The following POLA1 variants were observed in gnomAD, a reference collection of about 807,000 sequenced individuals.
POLA1 encodes the protein DNA polymerase alpha catalytic subunit.
Under a neutral mutation model 124.0 loss-of-function variants are expected in POLA1, and 15 were observed. The observed-to-expected ratio is 0.12, with a 90% CI of 0.08 to 0.19. POLA1 has a LOEUF of 0.19. POLA1 is among the 10% of genes least tolerant of loss of function. The pLI, the probability that POLA1 is intolerant of heterozygous loss-of-function variation, is 1.00. For synonymous variants in POLA1, 408 were observed against 389.4 expected, an observed-to-expected ratio of 1.05 and a Z score of -0.56; for missense variants, 886 against 1,103.4, an observed-to-expected ratio of 0.80 and a Z score of 2.79.
chrX:24,816,115 A>G (rs888241703), intron 30 of POLA1, among the ~76,000 whole-genome samples: 1 of 111,252 alleles, frequency 9.0e-6, no homozygotes, highest in Non-Finnish European at 1.9e-5. Flanking sequence ...ATCTTTTTGC[A>G]TTTGGATGAA....
At chrX:24,861,895 G>A (rs1019595650) in intron 34 of POLA1, among the ~76,000 whole-genome samples, 1 of 111,843 alleles carries the variant, frequency 8.9e-6, no homozygotes, top group Non-Finnish European at 1.9e-5. Context: ...ATATATACTT[G>A]CATCTTTATG....
At chrX:24,940,286 A>G (rs1223535327) in intron 36 of POLA1, among the ~76,000 whole-genome samples, 2 of 112,163 alleles carry the variant, frequency 1.8e-5, no homozygotes, top group East Asian at 5.6e-4. Context: ...AAATTACACT[A>G]CAAAGAGAAA....
chrX:24,936,696 T>C (rs2047852851), intron 36 of POLA1, among the ~76,000 whole-genome samples: 1 of 111,463 alleles, frequency 9.0e-6, no homozygotes, highest in Admixed American at 9.5e-5. Context: ...CACGCCCGGC[T>C]AATTTTTTGT....
At chrX:24,863,295 C>T (rs749682883) in intron 34 of POLA1, among the ~76,000 whole-genome samples, 4 of 105,033 alleles carry the variant, frequency 3.8e-5, no homozygotes, top group South Asian at 9.3e-4. Context: ...CAAACCTAAT[C>T]GACATTCTAC....
chrX:24,797,075 C>T (rs764912621), intron 26 of POLA1, among the ~76,000 whole-genome samples: 1 of 111,489 alleles, frequency 9.0e-6, no homozygotes, highest in Admixed American at 9.5e-5. Context: ...CATTACATCT[C>T]CCTGGACACT....
intron 4 of POLA1, among the ~76,000 whole-genome samples, chrX:24,712,844 A>G (rs1479503283): frequency 1.8e-5 from 2 of 112,534 alleles, no homozygotes; most frequent in Admixed American, 9.4e-5. Flanking sequence ...CCTTAGTGAT[A>G]TGGGATGCCA....
intron 26 of POLA1, among the ~76,000 whole-genome samples, chrX:24,773,725 A>G (rs564509031): frequency 8.9e-6 from 1 of 112,301 alleles, no homozygotes; most frequent in African/African-American, 3.2e-5. Context: ...GATGGTAGAT[A>G]ACACTTCTTA....
At chrX:24,828,740 AT>A (rs1299774836) in intron 32 of POLA1, among the ~76,000 whole-genome samples, 1 of 111,685 alleles carries the variant, frequency 9.0e-6, no homozygotes, top group Non-Finnish European at 1.9e-5. Context: ...CATGAATGAC[AT>A]TTAAGATAAG....
At chrX:24,760,349 C>T (rs1932774678) in intron 26 of POLA1, among the ~76,000 whole-genome samples, 1 of 111,667 alleles carries the variant, frequency 9.0e-6, no homozygotes, top group African/African-American at 3.3e-5. Context: ...TTATGGGTGA[C>T]ATGGCAGCAC....
At chrX:24,717,191 T>C in intron 8 of POLA1, 99 bp from the exon 9 acceptor site, 1 of 693,628 alleles carries the variant, frequency 1.4e-6, no homozygotes, top group Non-Finnish European at 2.2e-6. Context: ...CAGGCTGCTA[T>C]TTTAGTGTTG....
At chrX:24,737,328 C>T (rs942575920) in intron 18 of POLA1, among the ~76,000 whole-genome samples, 3 of 111,237 alleles carry the variant, frequency 2.7e-5, no homozygotes, top group African/African-American at 3.3e-5. Context: ...CATTTTCCTC[C>T]GAGACCGTAA....
chrX:24,814,957 G>GT (rs749255466), intron 29 of POLA1, 22 bp from the exon 30 acceptor site: 134,746 of 742,313 alleles, frequency 0.18, 283 homozygotes, highest in Non-Finnish European at 0.19. Context: ...TCTTTGTTTT[G>GT]TTTTTTTTTT....
At chrX:24,926,039 GTT>G (rs770513358) in intron 35 of POLA1, among the ~76,000 whole-genome samples, 2 of 100,531 alleles carry the variant, frequency 2.0e-5, no homozygotes, top group Non-Finnish European at 2.0e-5. Context: ...TCTACTAAAA[GTT>G]TTTTTTTTTT....
At position 24,994,391 on chromosome X, in the gene POLA1, C is replaced by T. The variant is rs759229072; in HGVS notation, c.4262-1414C>T. On this transcript the variant is annotated intron_variant, in intron 36 of 36. Coordinates refer to ENST00000379068, the MANE Select transcript of POLA1 (RefSeq NM_001330360.2). ...TTTTCCGGGTGTTTTGTAGACTTCC[C>T]GTGTTGCTGTTGTTGGAGGTTTGCT... is the stretch of plus-strand genomic sequence containing the variant. 2.7e-5 allele frequency among the ~76,000 whole-genome samples: 3 copies of T among 112,693 alleles called. No homozygotes were observed. The South Asian group carries it at 1.1e-3, about 41-fold the overall frequency.
At chrX:24,966,390 G>A (rs2048223881) in intron 36 of POLA1, among the ~76,000 whole-genome samples, 1 of 111,492 alleles carries the variant, frequency 9.0e-6, no homozygotes, top group Admixed American at 9.5e-5. Context: ...TCATCCAAAA[G>A]CAAGTTTATT....
At chrX:24,715,635 A>T (rs1222899489) in intron 6 of POLA1, among the ~76,000 whole-genome samples, 1 of 110,006 alleles carries the variant, frequency 9.1e-6, no homozygotes, top group Non-Finnish European at 1.9e-5. Context: ...CCAACAAAAA[A>T]CCCCCCACCA....
Position 24,857,366 on chromosome X carries a change from A to T in POLA1, c.4047+13689A>T, listed in dbSNP as rs775224459. On this transcript the variant is annotated intron_variant, in intron 34 of 36. Coordinates refer to ENST00000379068, the MANE Select transcript of POLA1 (RefSeq NM_001330360.2). The stretch of plus-strand genomic sequence containing the variant: ...TTGTATAGTGCAATTCTTCCATTTT[A>T]TTTTTTTCAAAAATGTCTTAATTCT... Among the ~76,000 whole-genome samples, 25 of 110,773 alleles carry T rather than the reference A, an allele frequency of 2.3e-4. No homozygotes were observed. In the South Asian group the frequency reaches 5.7e-3, roughly 25 times the overall value.
chrX:24,974,875 G>A, intron 36 of POLA1, among the ~76,000 whole-genome samples: 1 of 112,628 alleles, frequency 8.9e-6, no homozygotes, highest in Non-Finnish European at 1.9e-5. Context: ...GTGAGCTGGT[G>A]AGGAAGGGCT....
At chrX:24,825,156 C>G (rs987376934) in intron 31 of POLA1, among the ~76,000 whole-genome samples, 7 of 112,521 alleles carry the variant, frequency 6.2e-5, no homozygotes, top group African/African-American at 2.3e-4. Context: ...ATTCAAGCTT[C>G]TGAAAGAGCA....
Sources: gnomAD v4.1 joint callset for allele counts (sites outside exome capture counted in the v4.1 genomes callset) on GRCh38, gnomAD v4.1.1 for gene constraint, MANE v1.5 for transcripts, NCBI Gene and HGNC (gene_info 2026-07-23, HGNC 2026-07-21) for gene names.